CTNNA2: variants seen among roughly 807,000 people sequenced by gnomAD.
CTNNA2 encodes catenin alpha 2.
Under a neutral mutation model 101.0 loss-of-function variants are expected in CTNNA2, and 42 were observed. That is an observed-to-expected ratio of 0.42 (90% CI 0.32 to 0.54). The LOEUF is 0.54. Ranked by LOEUF, CTNNA2 falls within the 20% of genes least tolerant of loss-of-function variation. The probability of loss-of-function intolerance (pLI) is 0.14; values close to 1 mark genes in which losing one functional copy is unlikely to be tolerated. For missense variants in CTNNA2, 871 were observed against 1,223.1 expected (o/e 0.71, Z 4.29); for synonymous variants, 450 against 456.4 (o/e 0.99, Z 0.18).
chr2:79,546,899 T>C (rs1056599464), intron 1 of CTNNA2, among the ~76,000 whole-genome samples: 2 of 152,244 alleles, frequency 1.3e-5, no homozygotes, highest in Non-Finnish European at 1.5e-5. Context: ...CTTGCCTATG[T>C]AATGATTCCT....
chr2:79,389,381 G>T (rs992517254), intron 4 of CTNNA2, among the ~76,000 whole-genome samples: 1 of 152,098 alleles, frequency 6.6e-6, no homozygotes, highest in Non-Finnish European at 1.5e-5. Flanking sequence ...CATGAGACTA[G>T]AAATATGTAA....
At chr2:79,938,784 T>C (rs1002317911) in intron 7 of CTNNA2, among the ~76,000 whole-genome samples, 3 of 152,226 alleles carry the variant, frequency 2.0e-5, no homozygotes, top group African/African-American at 7.2e-5. Flanking sequence ...CAAGGCTGTT[T>C]GATTCATTGC....
intron 7 of CTNNA2, among the ~76,000 whole-genome samples, chr2:80,357,448 G>A (rs1471349867): frequency 6.6e-6 from 1 of 151,972 alleles, no homozygotes; most frequent in East Asian, 1.9e-4. Context: ...AGGCCAGGAA[G>A]TCTTTTCGAT....
intron 2 of CTNNA2, among the ~76,000 whole-genome samples, chr2:79,198,301 A>G (rs1673988765): frequency 6.6e-6 from 1 of 152,198 alleles, no homozygotes; most frequent in African/African-American, 2.4e-5. Context: ...TCCTTTGTGC[A>G]TTTTTTAATA....
chr2:80,001,690 C>G (rs1327478437), intron 7 of CTNNA2, among the ~76,000 whole-genome samples: 1 of 152,098 alleles, frequency 6.6e-6, no homozygotes, highest in Non-Finnish European at 1.5e-5. Flanking sequence ...AGACTGAATT[C>G]TTTGGGATCC....
chr2:79,501,984 T>C (rs1573195919), intron 4 of CTNNA2, among the ~76,000 whole-genome samples: 2 of 147,022 alleles, frequency 1.4e-5, no homozygotes, highest in Middle Eastern at 3.6e-3. Flanking sequence ...TTTTTTTTTT[T>C]AGTTCAAGGC....
intron 2 of CTNNA2, among the ~76,000 whole-genome samples, chr2:79,688,058 C>T (rs751177761): frequency 1.7e-4 from 26 of 152,102 alleles, no homozygotes; most frequent in Non-Finnish European, 3.5e-4. Context: ...AACAAAATTT[C>T]AGCCAAAATT....
In CTNNA2 at chr2:80,569,516, G is replaced by C. The variant is rs532476004; in HGVS notation, c.1742-4647G>C. 2.6e-5 allele frequency among the ~76,000 whole-genome samples: 4 copies of C among 151,788 alleles called. No individual in the cohort carries two copies. In the East Asian group the frequency reaches 7.7e-4, roughly 29 times the overall value. On this transcript the variant is annotated intron_variant, in intron 12 of 18. Transcript: ENST00000402739. The stretch of plus-strand genomic sequence containing the variant: ...ATCAAAAACTCTGTTAATACACAAT[G>C]TGTGCATCACAAAGGCAATGCTGCG...
intron 2 of CTNNA2, chr2:79,698,051 A>G (rs1480400899): frequency 2.0e-5 from 3 of 152,070 alleles, no homozygotes; most frequent in Admixed American, 2.0e-4. Context: ...CTGTCCAAGA[A>G]ACCTTTATTT....
At chr2:79,411,459 C>T (rs538372083) in intron 4 of CTNNA2, among the ~76,000 whole-genome samples, 45 of 151,702 alleles carry the variant, frequency 3.0e-4, no homozygotes, top group East Asian at 7.8e-4. Context: ...TTTCCAAAGT[C>T]GAAATGAAGG....
intron 2 of CTNNA2, among the ~76,000 whole-genome samples, chr2:79,690,244 C>T (rs147110030): frequency 6.6e-6 from 1 of 152,092 alleles, no homozygotes; most frequent in African/African-American, 2.4e-5. Flanking sequence ...ATAGAGATGT[C>T]TGACTTTTCA....
intron 7 of CTNNA2, among the ~76,000 whole-genome samples, chr2:80,102,180 C>A (rs762345705): frequency 6.6e-6 from 1 of 152,130 alleles, no homozygotes; most frequent in African/African-American, 2.4e-5. Flanking sequence ...GGCATCCACT[C>A]AGTATTACAA....
Position 79,345,107 on chromosome 2 carries a change from TTA to T in CTNNA2, c.-317-28723_-317-28722del, listed in dbSNP as rs913192801. Among the ~76,000 whole-genome samples, 8 of 45,798 alleles carry T rather than the reference TTA, an allele frequency of 1.7e-4. No homozygotes were observed. The East Asian group carries it at 0.068, about 390-fold the overall frequency. The allele number at this position is 45,798 out of a possible 152,430, so 30.0% of individuals were successfully genotyped here. On this transcript the variant is annotated intron_variant, in intron 3 of 21. Coordinates refer to the CTNNA2 transcript ENST00000466387. ...ATTTTATTATGGAATGTGTTTTTTT[TTA>T]AAAAAAAAAGCAAAATGTAACAAAT...
intron 9 of CTNNA2, among the ~76,000 whole-genome samples, chr2:80,430,280 A>T (rs1227500834): frequency 1.3e-5 from 2 of 152,218 alleles, no homozygotes; most frequent in African/African-American, 4.8e-5. Flanking sequence ...GGAGAAAGAG[A>T]ATCAACACTT....
intron 2 of CTNNA2, among the ~76,000 whole-genome samples, chr2:79,672,452 G>T (rs934532771): frequency 6.6e-6 from 1 of 151,852 alleles, no homozygotes; most frequent in African/African-American, 2.4e-5. Flanking sequence ...TAAGAAAATT[G>T]CCACTTTCAT....
chr2:80,592,689 A>C (rs774792647), intron 15 of CTNNA2, among the ~76,000 whole-genome samples: 4 of 149,178 alleles, frequency 2.7e-5, no homozygotes, highest in Non-Finnish European at 5.9e-5. Context: ...GGTTCGATAC[A>C]TTTGCAAATA....
intron 4 of CTNNA2, among the ~76,000 whole-genome samples, chr2:79,440,928 G>A (rs1338009499): frequency 6.6e-6 from 1 of 152,074 alleles, no homozygotes; most frequent in Non-Finnish European, 1.5e-5. Flanking sequence ...CCAACCCAGT[G>A]GGATTCATGT....
chr2:80,288,930 T>A (rs1017812384), intron 7 of CTNNA2: 1 of 152,226 alleles, frequency 6.6e-6, no homozygotes, highest in African/African-American at 2.4e-5. Flanking sequence ...TGCTTGGCTG[T>A]GAGGTCCAAG....
chr2:80,125,244 G>A (rs551459941), intron 7 of CTNNA2, among the ~76,000 whole-genome samples: 11 of 152,136 alleles, frequency 7.2e-5, no homozygotes, highest in Non-Finnish European at 1.2e-4. Context: ...TGTGTCATTC[G>A]AGGTGACAAG....
Sources: allele counts gnomAD v4.1 joint callset (sites outside exome capture counted in the v4.1 genomes callset), GRCh38; gene constraint gnomAD v4.1.1; transcripts MANE v1.5; gene names NCBI Gene and HGNC (gene_info 2026-07-23, HGNC 2026-07-21).